Variants in ZNF451 observed in about 807,000 individuals in gnomAD.
The protein encoded by ZNF451 is E3 SUMO-protein ligase ZNF451.
In ZNF451, 80 loss-of-function variants were observed where a neutral mutation model predicts 107.1. That is an observed-to-expected ratio of 0.75 (90% confidence interval 0.62 to 0.90). The LOEUF is 0.90. Among genes scored for constraint, ZNF451 ranks in the 40% least tolerant of loss-of-function variants. ZNF451 has a pLI of 0.00. For synonymous variants in ZNF451, 362 were observed against 406.5 expected, an observed-to-expected ratio of 0.89 and a Z score of 1.32; for missense variants, 1,107 against 1,236.2, an observed-to-expected ratio of 0.90 and a Z score of 1.57.
intron 3 of ZNF451, among the ~76,000 whole-genome samples, chr6:57,111,218 G>T (rs537093921): frequency 3.3e-5 from 5 of 151,224 alleles, no homozygotes; most frequent in African/African-American, 1.2e-4. Context: ...ACCGTACCAG[G>T]CCCCATTCCC....
At chr6:57,106,106 A>T (rs1387984135) in intron 3 of ZNF451, 1 of 985,250 alleles carries the variant, frequency 1.0e-6, no homozygotes, top group African/African-American at 1.7e-5. Flanking sequence ...CATCCAGGAT[A>T]ACCTCTCAGG....
At chr6:57,142,375 T>C (rs1473203826) in intron 9 of ZNF451, among the ~76,000 whole-genome samples, 1 of 152,218 alleles carries the variant, frequency 6.6e-6, no homozygotes, top group African/African-American at 2.4e-5. Flanking sequence ...AGGGTTAAAG[T>C]AGAACCTTGG....
intron 14 of ZNF451, among the ~76,000 whole-genome samples, 193 bp downstream of exon 14, chr6:57,161,345 G>C (rs946408274): frequency 2.0e-5 from 3 of 152,000 alleles, no homozygotes; most frequent in African/African-American, 7.3e-5. Context: ...AGCTAGAATG[G>C]GTCAGCCAAT....
At chr6:57,113,839 T>G (rs1830236355) in intron 3 of ZNF451, among the ~76,000 whole-genome samples, 1 of 152,118 alleles carries the variant, frequency 6.6e-6, no homozygotes, top group African/African-American at 2.4e-5. Flanking sequence ...GCCAGGATGC[T>G]CTCGATCTCC....
rs554884329 is a variant in ZNF451, at chr6:57,135,617, T to A, written c.702+747T>A. Among the ~76,000 whole-genome samples, 3 of 152,276 alleles carry A rather than the reference T, an allele frequency of 2.0e-5. No homozygotes were observed. The East Asian group carries it at 5.8e-4, about 29-fold the overall frequency. ...TTGTTCTGTGATTTAAAGCAGTGTG[T>A]TGCAAACATAAAAGCTTAAATATTC... On this transcript the variant is annotated intron_variant, in intron 7 of 14. Coordinates refer to ENST00000370706, the MANE Select transcript of ZNF451 (RefSeq NM_001031623.3).
At chr6:57,149,983 A>G (rs986045120) in intron 10 of ZNF451, among the ~76,000 whole-genome samples, 16 of 152,332 alleles carry the variant, frequency 1.1e-4, no homozygotes, top group African/African-American at 3.8e-4. Flanking sequence ...AATAGAAACT[A>G]TTCATTTTTT....
chr6:57,159,080 AG>A, intron 13 of ZNF451: 1 of 985,458 alleles, frequency 1.0e-6, no homozygotes, highest in Non-Finnish European at 1.2e-6. Flanking sequence ...TGAAAACTAT[AG>A]GTTGTTTCTT....
At chr6:57,132,298 C>G (rs1476644579) in intron 5 of ZNF451, among the ~76,000 whole-genome samples, 1 of 152,210 alleles carries the variant, frequency 6.6e-6, no homozygotes, top group Admixed American at 6.5e-5. Context: ...TGCTTCCCTG[C>G]TTTCTTCATT....
rs988900062 is a variant in ZNF451, at chr6:57,099,358, ACT to A, written c.186+220_186+221del. 2.3e-5 allele frequency: 15 copies of A among 661,726 alleles called. No individual in the cohort carries two copies. The African/African-American group carries it at 2.7e-4, about 12-fold the overall frequency. The allele number at this position is 661,726 out of a possible 1,614,324, so 41.0% of individuals were successfully genotyped here. On this transcript the variant is annotated intron_variant, in intron 3 of 14. Coordinates refer to ENST00000370706, the MANE Select transcript of ZNF451 (RefSeq NM_001031623.3). ...AGATTATGAAAAAAATGATAATATG[ACT>A]CTGGGAAATTCAGAGCCTTAGAGGT...
At chr6:57,106,538 T>C (rs1168067920) in intron 3 of ZNF451, 1 of 905,840 alleles carries the variant, frequency 1.1e-6, no homozygotes, top group African/African-American at 1.8e-5. Flanking sequence ...ACTCCTGACC[T>C]CAAGTGATCC....
At chr6:57,096,968 C>T (rs545381953) in intron 2 of ZNF451, among the ~76,000 whole-genome samples, 1 of 151,730 alleles carries the variant, frequency 6.6e-6, no homozygotes, top group South Asian at 2.1e-4. Context: ...CAGGGTTTCA[C>T]CATGTTGGCC....
chr6:57,138,741 A>G (rs9357938), intron 7 of ZNF451, among the ~76,000 whole-genome samples: 14,257 of 45,218 alleles, frequency 0.32, 2,016 homozygotes, highest in African/African-American at 0.4. Context: ...ATATATATAT[A>G]TGTGTGTGTG....
chr6:57,124,682 T>C (rs963422506), intron 3 of ZNF451, 52 bp from the exon 4 acceptor site: 1 of 1,339,680 alleles, frequency 7.5e-7, no homozygotes. Flanking sequence ...GGATGTATAT[T>C]ATCCAAATGC....
chr6:57,147,384 T>TA lies in ZNF451; in HGVS notation c.1302dup (p.Glu435ArgfsTer3). ...CATCACTTAAAAGAACCATGTCTAT[T>TA]AAAGAATCTAGCTCACTGGAGTGCA... On this transcript the variant is annotated frameshift_variant, in exon 10 of 15. Transcript: ENST00000370706. LOFTEE classifies it high-confidence loss of function. 6.2e-7 allele frequency: 1 copy of TA among 1,614,072 alleles called. No homozygotes were observed. Among genetic ancestry groups the TA allele is most frequent in the Non-Finnish European group, 8.5e-7 (1 of 1,179,974 alleles).
intron 3 of ZNF451, among the ~76,000 whole-genome samples, chr6:57,119,171 C>T (rs1287704027): frequency 6.6e-6 from 1 of 152,178 alleles, no homozygotes; most frequent in Non-Finnish European, 1.5e-5. Flanking sequence ...TTGGGTTGTA[C>T]ATATGTGACT....
intron 3 of ZNF451, chr6:57,102,732 C>A: frequency 2.0e-6 from 2 of 985,382 alleles, no homozygotes; most frequent in Non-Finnish European, 2.4e-6. Context: ...AGTTTGCTTC[C>A]CCTTGGAATG....
Position 57,095,326 on chromosome 6 carries a change from CTTTTTTTTTTTT to C in ZNF451, c.106-3723_106-3712del, listed in dbSNP as rs764972958. ...TCTCAATTTTGGATTTTCTGTGATA[CTTTTTTTTTTTT>C]TTTTTTTTTTTAAAGAGATAGGGTC... On this transcript the variant is annotated intron_variant, in intron 2 of 14. Coordinates refer to ENST00000370706, the MANE Select transcript of ZNF451 (RefSeq NM_001031623.3). Among the ~76,000 whole-genome samples, 69 of 107,786 alleles carry C rather than the reference CTTTTTTTTTTTT, an allele frequency of 6.4e-4. 1 individual carries two copies. The highest frequency in any genetic ancestry group is 5.8e-3 in the Admixed American group (61 of 10,548). The allele number at this position is 107,786 out of a possible 152,430, so 70.7% of individuals were successfully genotyped here.
chr6:57,110,317 C>G (rs1412040239), intron 3 of ZNF451, among the ~76,000 whole-genome samples: 1 of 152,126 alleles, frequency 6.6e-6, no homozygotes, highest in Non-Finnish European at 1.5e-5. Context: ...TCAAAGTGTG[C>G]TAAGTTTGTA....
intron 3 of ZNF451, chr6:57,102,031 C>T (rs1057136968): frequency 5.2e-6 from 8 of 1,548,668 alleles, no homozygotes; most frequent in Non-Finnish European, 5.2e-6. Context: ...GTACAAACCT[C>T]GAAACCACCC....
Sources: gnomAD v4.1 joint callset for allele counts (sites outside exome capture counted in the v4.1 genomes callset) on GRCh38, gnomAD v4.1.1 for gene constraint, MANE v1.5 for transcripts, NCBI Gene and HGNC (gene_info 2026-07-23, HGNC 2026-07-21) for gene names.